The following SHANK2 variants were observed in gnomAD, a reference collection of about 807,000 sequenced individuals.
SHANK2 encodes the protein SH3 and multiple ankyrin repeat domains protein 2.
SHANK2 carries 43 observed loss-of-function variants against 133.7 expected under a neutral mutation model. The ratio of observed to expected loss-of-function variants is 0.32; its 90% CI spans 0.25 to 0.41. The LOEUF is 0.41. Among genes scored for constraint, SHANK2 ranks in the 10% least tolerant of loss-of-function variants. The pLI, the probability that SHANK2 is intolerant of heterozygous loss-of-function variation, is 1.00. For missense variants in SHANK2, 1,994 were observed against 2,235.8 expected (o/e 0.89, Z 2.18); for synonymous variants, 1,017 against 952.8 (o/e 1.07, Z -1.24).
chr11:71,085,813 T>TA (rs1951390718), intron 8 of SHANK2, among the ~76,000 whole-genome samples: 1 of 31,718 alleles, frequency 3.2e-5, no homozygotes, highest in Non-Finnish European at 4.8e-5. Context: ...TAATATATTA[T>TA]GTTATATTAT....
At chr11:71,094,070 T>A (rs1007302876) in intron 7 of SHANK2, among the ~76,000 whole-genome samples, 1 of 152,028 alleles carries the variant, frequency 6.6e-6, no homozygotes. Flanking sequence ...ATCTACCATG[T>A]GGCTCTGTGT....
intron 2 of SHANK2, among the ~76,000 whole-genome samples, chr11:71,224,448 C>T (rs1954607972): frequency 2.6e-5 from 4 of 152,226 alleles, no homozygotes; most frequent in African/African-American, 9.6e-5. Flanking sequence ...CTGGTGAGGA[C>T]AGCTCAGAGC....
At chr11:71,207,462 G>T (rs1162958667) in intron 2 of SHANK2, among the ~76,000 whole-genome samples, 1 of 152,196 alleles carries the variant, frequency 6.6e-6, no homozygotes, top group African/African-American at 2.4e-5. Flanking sequence ...TTACAGGCGT[G>T]AGACATCGTG....
intron 14 of SHANK2, among the ~76,000 whole-genome samples, chr11:70,783,317 T>C (rs1178669581): frequency 6.6e-6 from 1 of 152,054 alleles, no homozygotes; most frequent in Non-Finnish European, 1.5e-5. Flanking sequence ...CCCTGGGGTA[T>C]GGGCGATGGA....
chr11:70,483,695 C>A (rs2058765873), intron 25 of SHANK2, among the ~76,000 whole-genome samples: 1 of 152,160 alleles, frequency 6.6e-6, no homozygotes, highest in African/African-American at 2.4e-5. Context: ...AGCACTCCAG[C>A]CTGAGCGGCA....
At chr11:70,508,068 C>T (rs1215191887) in intron 17 of SHANK2, among the ~76,000 whole-genome samples, 1 of 152,212 alleles carries the variant, frequency 6.6e-6, no homozygotes, top group African/African-American at 2.4e-5. Flanking sequence ...CCACAGGAAC[C>T]TCTATCATAC....
At chr11:70,610,504 C>T (rs782247329) in intron 17 of SHANK2, among the ~76,000 whole-genome samples, 1 of 152,210 alleles carries the variant, frequency 6.6e-6, no homozygotes, top group Non-Finnish European at 1.5e-5. Flanking sequence ...TCAGCTTCTC[C>T]CATGCAAACT....
intron 17 of SHANK2, among the ~76,000 whole-genome samples, chr11:70,632,347 G>A (rs868948129): frequency 6.6e-6 from 1 of 151,712 alleles, no homozygotes; most frequent in African/African-American, 2.4e-5. Flanking sequence ...GGATGGTCTC[G>A]ATCTCCTGAC....
intron 3 of SHANK2, among the ~76,000 whole-genome samples, chr11:71,124,347 T>C (rs1446543294): frequency 2.0e-5 from 3 of 149,688 alleles, no homozygotes; most frequent in African/African-American, 7.4e-5. Flanking sequence ...ATGATGGTGA[T>C]GATGACAGTG....
Position 70,830,616 on chromosome 11 carries a change from C to G in SHANK2, c.1175-9934G>C, listed in dbSNP as rs782571628. 6.6e-6 allele frequency among the ~76,000 whole-genome samples: 1 copy of G among 152,186 alleles called. No homozygotes were observed. Among genetic ancestry groups the G allele is most frequent in the Non-Finnish European group, 1.5e-5 (1 of 68,022 alleles). On this transcript the variant is annotated intron_variant, in intron 11 of 25. Transcript: ENST00000601538. This position sits in a 1 kb window ranked among gnomAD's most constrained non-coding sequence, Gnocchi z 4.4. ...CTAAAACAAGTATTCCGAGGATGAC[C>G]GAGCGCTAGTGGTTGAGATGAAAAT...
chr11:70,716,965 A>G (rs1447117671), intron 14 of SHANK2, among the ~76,000 whole-genome samples: 2 of 143,376 alleles, frequency 1.4e-5, no homozygotes, highest in Middle Eastern at 3.4e-3. Context: ...TGTGGGCAAG[A>G]GGGAGCAGTT....
intron 9 of SHANK2, among the ~76,000 whole-genome samples, chr11:71,060,316 T>C (rs1768940292): frequency 6.6e-6 from 1 of 152,164 alleles, no homozygotes. Context: ...ACAACCCCTG[T>C]CTTCATGGCT....
intron 12 of SHANK2, among the ~76,000 whole-genome samples, chr11:70,817,688 CA>C (rs1260560023): frequency 2.6e-5 from 4 of 152,206 alleles, no homozygotes; most frequent in African/African-American, 4.8e-5. Context: ...GGGAGGCGGC[CA>C]CCCTGAACGC....
chr11:71,237,597 G>A (rs556805049), intron 1 of SHANK2, among the ~76,000 whole-genome samples: 6 of 152,308 alleles, frequency 3.9e-5, no homozygotes, highest in Admixed American at 1.3e-4. Flanking sequence ...GGGCTGCAGC[G>A]AAGGATCCAG....
chr11:70,778,112 G>A (rs1294002349), intron 14 of SHANK2, among the ~76,000 whole-genome samples: 1 of 152,220 alleles, frequency 6.6e-6, no homozygotes, highest in Non-Finnish European at 1.5e-5. Flanking sequence ...GCTCAGAGAA[G>A]CTGAGTAACT....
intron 17 of SHANK2, among the ~76,000 whole-genome samples, chr11:70,653,452 A>AT (rs2061363677): frequency 6.9e-6 from 1 of 144,296 alleles, no homozygotes; most frequent in African/African-American, 2.6e-5. Flanking sequence ...AAACATATAT[A>AT]TTTTTTTCAA....
chr11:70,872,585 G>GC (rs1322361969), intron 11 of SHANK2, among the ~76,000 whole-genome samples: 1 of 151,856 alleles, frequency 6.6e-6, no homozygotes, highest in East Asian at 2.0e-4. Flanking sequence ...GGAATAGGGG[G>GC]CCCCCATACA....
chr11:70,789,508 C>A lies in SHANK2; in HGVS notation c.1777+8935G>T, dbSNP rs192247044. On this transcript the variant is annotated intron_variant, in intron 14 of 25. Coordinates refer to ENST00000601538, the MANE Select transcript of SHANK2 (RefSeq NM_012309.5). ...CTTCTACCCAGTCGAGACCCCTGCA[C>A]CAGGGAGTCAGCCAGAAGATTCCGG... 4.5e-3 allele frequency among the ~76,000 whole-genome samples: 691 copies of A among 152,272 alleles called. 4 individuals are homozygous for A. The highest frequency in any genetic ancestry group is 8.6e-3 in the Non-Finnish European group (584 of 68,022).
At chr11:71,085,532 A>G (rs1178368911) in intron 8 of SHANK2, among the ~76,000 whole-genome samples, 1 of 108,508 alleles carries the variant, frequency 9.2e-6, no homozygotes, top group Admixed American at 1.5e-4. Context: ...TATATATTAT[A>G]TTATATAAAA....
Sources: gnomAD v4.1 joint callset for allele counts (sites outside exome capture counted in the v4.1 genomes callset) on GRCh38, gnomAD v4.1.1 for gene constraint, Gnocchi (gnomAD v3.1) non-coding constraint, MANE v1.5 for transcripts, NCBI Gene and HGNC (gene_info 2026-07-23, HGNC 2026-07-21) for gene names.